The following TFDP2 variants were observed in gnomAD, a reference collection of about 807,000 sequenced individuals.
TFDP2 encodes the protein transcription factor Dp-2 (E2F dimerization partner 2).
TFDP2 carries 17 observed loss-of-function variants against 59.3 expected under a neutral mutation model. The ratio of observed to expected loss-of-function variants is 0.29; its 90% confidence interval spans 0.20 to 0.43. The LOEUF (loss-of-function observed/expected upper bound fraction) is 0.43. TFDP2 is among the 20% of genes least tolerant of loss of function. TFDP2 has a pLI of 1.00. For missense variants in TFDP2, 391 were observed against 528.8 expected, an observed-to-expected ratio of 0.74 and a Z score of 2.56; for synonymous variants, 180 against 194.7, an observed-to-expected ratio of 0.92 and a Z score of 0.63.
chr3:141,984,073 T>A (rs1941790379), intron 6 of TFDP2, among the ~76,000 whole-genome samples: 1 of 67,494 alleles, frequency 1.5e-5, no homozygotes, highest in South Asian at 4.2e-4. Flanking sequence ...TGCCCACCAA[T>A]GAATGGATAA....
intron 3 of TFDP2, among the ~76,000 whole-genome samples, chr3:142,086,684 C>G (rs994337860): frequency 6.6e-6 from 1 of 152,214 alleles, no homozygotes; most frequent in African/African-American, 2.4e-5. Flanking sequence ...AACCTGGAAA[C>G]TCTCCAAACC....
At chr3:142,135,133 C>T (rs951369157) in intron 1 of TFDP2, among the ~76,000 whole-genome samples, 5 of 152,166 alleles carry the variant, frequency 3.3e-5, no homozygotes, top group South Asian at 2.1e-4. Flanking sequence ...CTTACTACAT[C>T]GCCCAGGCTA....
intron 1 of TFDP2, among the ~76,000 whole-genome samples, chr3:142,105,175 T>C (rs948022456): frequency 1.3e-5 from 2 of 152,188 alleles, no homozygotes; most frequent in East Asian, 1.9e-4. Flanking sequence ...GAAATACAGT[T>C]ATAACAAAAA....
intron 3 of TFDP2, among the ~76,000 whole-genome samples, chr3:142,012,667 A>G (rs1944814923): frequency 6.6e-6 from 1 of 152,184 alleles, no homozygotes; most frequent in Non-Finnish European, 1.5e-5. Flanking sequence ...TACCTGAAAA[A>G]CTACATATAC....
At chr3:142,078,177 A>T (rs2060528268) in intron 3 of TFDP2, among the ~76,000 whole-genome samples, 1 of 152,182 alleles carries the variant, frequency 6.6e-6, no homozygotes, top group Non-Finnish European at 1.5e-5. Context: ...AGACCCAGGT[A>T]GATTTCTAAG....
At chr3:141,962,471 G>A (rs181650420) in intron 10 of TFDP2, among the ~76,000 whole-genome samples, 1 of 152,184 alleles carries the variant, frequency 6.6e-6, no homozygotes, top group East Asian at 1.9e-4. Flanking sequence ...CGTTTCTCCT[G>A]CCTTGGCCTC....
intron 1 of TFDP2, among the ~76,000 whole-genome samples, chr3:142,107,233 T>G (rs899262761): frequency 1.3e-5 from 2 of 151,854 alleles, no homozygotes; most frequent in African/African-American, 4.8e-5. Flanking sequence ...TTTTTTTCTT[T>G]TCTTTTTTTT....
chr3:142,120,134 G>A (rs371623193), intron 1 of TFDP2, among the ~76,000 whole-genome samples: 20 of 146,892 alleles, frequency 1.4e-4, no homozygotes, highest in African/African-American at 4.5e-4. Flanking sequence ...AGGCCGAGAC[G>A]GGCAGATCAC....
chr3:142,098,269 C>CA (rs750380975), intron 2 of TFDP2, among the ~76,000 whole-genome samples: 15,862 of 116,944 alleles, frequency 0.14, 985 homozygotes, highest in Middle Eastern at 0.2. Flanking sequence ...ATTGACAAGG[C>CA]AAAAAAAAAA....
At chr3:142,087,748 C>T (rs909783607) in intron 3 of TFDP2, among the ~76,000 whole-genome samples, 4 of 152,140 alleles carry the variant, frequency 2.6e-5, no homozygotes, top group African/African-American at 9.7e-5. Context: ...GCAATCCACC[C>T]CCCTTGGCCT....
chr3:141,978,293 C>T (rs567573630), intron 7 of TFDP2, among the ~76,000 whole-genome samples: 12 of 151,606 alleles, frequency 7.9e-5, no homozygotes, highest in Non-Finnish European at 1.0e-4. Context: ...TGCAGTGAGC[C>T]GAGATCGCGC....
At chr3:142,130,914 G>A (rs371910850) in intron 1 of TFDP2, among the ~76,000 whole-genome samples, 3 of 141,100 alleles carry the variant, frequency 2.1e-5, no homozygotes, top group African/African-American at 9.6e-5. Context: ...TTAGCCAAAT[G>A]TGGTGGTGGG....
rs535375959 is a variant in TFDP2 at position 141,946,334 on chromosome 3, G to T, written c.*6179C>A. The T allele has an allele frequency of 2.0e-5, 3 of 152,368 alleles. No individual in the cohort carries two copies. The highest frequency in any genetic ancestry group is 1.3e-4 in the Admixed American group (2 of 15,300). The allele number at this position is 152,368 out of a possible 1,614,324, so 9.4% of individuals were successfully genotyped here. On this transcript the variant is annotated 3_prime_UTR_variant, in exon 13 of 13. Transcript: ENST00000489671. Reference sequence around the variant, plus strand: ...CTCCAATGCAGCTATAAGCAGTGAAGACCAAAGTCTAACCTGCTGAAACAG... The same window carrying T: ...CTCCAATGCAGCTATAAGCAGTGAATACCAAAGTCTAACCTGCTGAAACAG...
At chr3:142,114,649 T>G (rs1292250429) in intron 1 of TFDP2, among the ~76,000 whole-genome samples, 2 of 148,082 alleles carry the variant, frequency 1.4e-5, no homozygotes, top group African/African-American at 2.5e-5. Context: ...AGGATACAGG[T>G]TTTTTTTTTC....
chr3:141,987,928 G>C (rs1942299367), intron 6 of TFDP2, among the ~76,000 whole-genome samples: 1 of 106,060 alleles, frequency 9.4e-6, no homozygotes, highest in South Asian at 2.8e-4. Context: ...GACAGAGCAA[G>C]ACCCTGCCTC....
At chr3:142,074,025 C>T (rs568686679) in intron 3 of TFDP2, among the ~76,000 whole-genome samples, 29 of 152,316 alleles carry the variant, frequency 1.9e-4, no homozygotes, top group African/African-American at 5.5e-4. Flanking sequence ...ACTCACACTT[C>T]CCAATTTTGA....
At chr3:141,995,238 C>A in intron 4 of TFDP2, 97 bp from the exon 5 acceptor site, 1 of 1,036,418 alleles carries the variant, frequency 9.6e-7, no homozygotes, top group Non-Finnish European at 1.3e-6. Flanking sequence ...TATGAGGAAA[C>A]CTTGCTGCCT....
chr3:142,061,336 C>T (rs2059908280), intron 3 of TFDP2, among the ~76,000 whole-genome samples: 1 of 152,166 alleles, frequency 6.6e-6, no homozygotes. Flanking sequence ...CCACTGCACA[C>T]TTACCACACT....
At chr3:142,056,055 G>C (rs541912787) in intron 3 of TFDP2, among the ~76,000 whole-genome samples, 56 of 135,528 alleles carry the variant, frequency 4.1e-4, no homozygotes, top group Admixed American at 1.0e-3. Context: ...CCAGGTTCAA[G>C]CGATTCTCCT....
Sources: allele counts gnomAD v4.1 joint callset (sites outside exome capture counted in the v4.1 genomes callset), GRCh38; gene constraint gnomAD v4.1.1; transcripts MANE v1.5; gene names NCBI Gene and HGNC (gene_info 2026-07-23, HGNC 2026-07-21).